The following MCTP2 variants were observed in gnomAD, a reference collection of about 807,000 sequenced individuals.
The protein encoded by MCTP2 is multiple C2 and transmembrane domain containing 2.
In MCTP2, 132 loss-of-function variants were observed where a neutral mutation model predicts 111.6. That is an observed-to-expected ratio of 1.18 (90% CI 1.03 to 1.37). MCTP2 has a LOEUF of 1.37. MCTP2 is among the 40% of genes most tolerant of loss of function. The pLI, the probability that MCTP2 is intolerant of heterozygous loss-of-function variation, is 0.00. For synonymous variants in MCTP2, 395 were observed against 387.7 expected (o/e 1.02, Z -0.22); for missense variants, 1,183 against 1,067.9 (o/e 1.11, Z -1.50).
rs771434217 is a variant in MCTP2, at chr15:94,470,529, T to A, written c.2470+87T>A. 2.0e-5 allele frequency: 20 copies of A among 986,906 alleles called. No homozygotes were observed. In the Admixed American group the frequency reaches 3.5e-4, roughly 17 times the overall value. 61.1% of individuals were successfully genotyped at this position (986,906 alleles called of 1,614,324 possible). A position where few individuals can be genotyped will look rare whatever the true frequency, so the allele number is the denominator to read the frequency against. ...TTAAAGTGCGACTATTAATTTTAAA[T>A]GTGCTCTTGTTGGCAATTAAACATG... On this transcript the variant is annotated intron_variant, in intron 21 of 22. Transcript: ENST00000357742.
chr15:94,351,948 G>T (rs1439135313), intron 8 of MCTP2, among the ~76,000 whole-genome samples: 1 of 152,128 alleles, frequency 6.6e-6, no homozygotes, highest in Admixed American at 6.5e-5. Flanking sequence ...GCACCACCTG[G>T]CCTCGGACAG....
chr15:94,364,682 GTTAACA>G (rs145350730), intron 10 of MCTP2, among the ~76,000 whole-genome samples: 143 of 152,142 alleles, frequency 9.4e-4, no homozygotes, highest in African/African-American at 3.2e-3. Context: ...GAATATTTTG[GTTAACA>G]TTATTTGCAA....
At chr15:94,423,854 G>T (rs1596661304) in intron 17 of MCTP2, among the ~76,000 whole-genome samples, 2 of 152,328 alleles carry the variant, frequency 1.3e-5, no homozygotes, top group South Asian at 2.1e-4. Flanking sequence ...GTACAAGGGA[G>T]TTTGTAAAAC....
intron 14 of MCTP2, among the ~76,000 whole-genome samples, chr15:94,387,306 T>A (rs2080560428): frequency 6.6e-6 from 1 of 151,396 alleles, no homozygotes; most frequent in Non-Finnish European, 1.5e-5. Context: ...TGTCCAGCCG[T>A]CTCCCTGACC....
At chr15:94,258,654 C>CA (rs201675806) in intron 1 of MCTP2, among the ~76,000 whole-genome samples, 54 of 152,086 alleles carry the variant, frequency 3.6e-4, no homozygotes, top group African/African-American at 1.3e-3. Flanking sequence ...AACTAAAAAC[C>CA]AAAAAACCAA....
intron 1 of MCTP2, among the ~76,000 whole-genome samples, chr15:94,282,158 A>G (rs1458087669): frequency 1.3e-5 from 2 of 151,938 alleles, no homozygotes; most frequent in South Asian, 2.1e-4. Flanking sequence ...TTGCTTTCTA[A>G]CTCTGTGTCT....
At chr15:94,459,834 G>A (rs772675243) in intron 20 of MCTP2, among the ~76,000 whole-genome samples, 18 of 152,124 alleles carry the variant, frequency 1.2e-4, no homozygotes, top group Non-Finnish European at 1.9e-4. Flanking sequence ...AACTGTTATC[G>A]CATGCCAGCC....
intron 17 of MCTP2, among the ~76,000 whole-genome samples, chr15:94,407,655 A>G (rs924581989): frequency 6.6e-6 from 1 of 152,186 alleles, no homozygotes; most frequent in African/African-American, 2.4e-5. Flanking sequence ...TTTAACATAT[A>G]TAGAATTTTT....
chr15:94,370,653 A>G (rs1008727816), intron 12 of MCTP2, among the ~76,000 whole-genome samples: 3 of 152,104 alleles, frequency 2.0e-5, no homozygotes, highest in African/African-American at 7.2e-5. Context: ...TGCAGTTGAC[A>G]TTGTCTTATA....
chr15:94,402,149 C>T, intron 17 of MCTP2, 130 bp downstream of exon 17: 1 of 1,342,212 alleles, frequency 7.5e-7, no homozygotes, highest in Non-Finnish European at 9.9e-7. Context: ...TCAAATTTAC[C>T]TGGGAAACCC....
At position 94,301,802 on chromosome 15, in the gene MCTP2, ATTGATT is replaced by A. The variant is rs143080236; in HGVS notation, c.465+3075_465+3080del. Reference sequence around the variant, plus strand: ...GTAAACTTTTTGGCTGAAATTTGATATTGATTTTAACTCTGAATTTATCATTTCTGC... The same window carrying A: ...GTAAACTTTTTGGCTGAAATTTGATATTAACTCTGAATTTATCATTTCTGC... On this transcript the variant is annotated intron_variant, in intron 2 of 22. Coordinates refer to ENST00000357742, the MANE Select transcript of MCTP2 (RefSeq NM_001385001.1). 1.6e-3 allele frequency among the ~76,000 whole-genome samples: 238 copies of A among 146,642 alleles called. 1 individual carries two copies. Among genetic ancestry groups the A allele is most frequent in the African/African-American group, 5.8e-3 (232 of 39,730 alleles).
At chr15:94,351,228 A>G (rs949089413) in intron 8 of MCTP2, among the ~76,000 whole-genome samples, 3 of 152,042 alleles carry the variant, frequency 2.0e-5, no homozygotes, top group African/African-American at 7.2e-5. Context: ...GTGTAGTTCT[A>G]GGAGAATTTA....
Position 94,477,456 on chromosome 15 carries a change from G to A in MCTP2, c.2568+663G>A, listed in dbSNP as rs1429983549. 2.6e-5 allele frequency among the ~76,000 whole-genome samples: 4 copies of A among 152,118 alleles called. No individual in the cohort carries two copies. In the East Asian group the frequency reaches 5.8e-4, roughly 22 times the overall value. On this transcript the variant is annotated intron_variant, in intron 22 of 22. Transcript: ENST00000357742. ...ACTAGAAAGTCGTGTAGAGTAGCTC[G>A]ATCCTGGCCCCTGTGGATCAGCCTG...
Position 94,458,193 on chromosome 15 carries a change from A to C in MCTP2, c.2307A>C (p.Ser769=). 1 of 1,612,564 alleles carries C rather than the reference A, an allele frequency of 6.2e-7. No homozygotes were observed. The highest frequency in any genetic ancestry group is 8.5e-7 in the Non-Finnish European group (1 of 1,178,560). ...ERIYMVQDIV[S]TVQNVLEEIA... is the part of the protein sequence containing the mutation. The stretch of plus-strand genomic sequence containing the variant: ...TCTATATGGTACAGGATATTGTTTC[A>C]ACTGTTCAAAACGTCTTGGAGGAAA... Residue 769 remains serine, a synonymous_variant, in exon 20 of 23, where the codon TCA becomes TCC. Transcript: ENST00000357742.
chr15:94,240,088 T>A (rs1242629327), intron 1 of MCTP2, among the ~76,000 whole-genome samples: 5 of 152,170 alleles, frequency 3.3e-5, no homozygotes, highest in Non-Finnish European at 5.9e-5. Flanking sequence ...TTTGTTTTGT[T>A]TTTTAAGTAG....
intron 20 of MCTP2, among the ~76,000 whole-genome samples, chr15:94,467,618 C>A (rs1223638638): frequency 6.6e-6 from 1 of 151,318 alleles, no homozygotes; most frequent in Non-Finnish European, 1.5e-5. Context: ...TTAATTTTTT[C>A]TTTATTTCGA....
intron 1 of MCTP2, among the ~76,000 whole-genome samples, chr15:94,245,012 A>G (rs368581754): frequency 6.7e-6 from 1 of 149,508 alleles, no homozygotes; most frequent in Non-Finnish European, 1.5e-5. Context: ...ATATGTATAC[A>G]CATACATATG....
At chr15:94,328,573 G>A (rs946061511) in intron 4 of MCTP2, among the ~76,000 whole-genome samples, 8 of 152,164 alleles carry the variant, frequency 5.3e-5, no homozygotes, top group African/African-American at 1.4e-4. Context: ...CCACATGTCC[G>A]TGATTTACTC....
chr15:94,245,464 ATACATATATG>A, intron 1 of MCTP2, among the ~76,000 whole-genome samples: 1 of 140,040 alleles, frequency 7.1e-6, no homozygotes, highest in South Asian at 2.2e-4. Flanking sequence ...ATGTATTTAT[ATACATATATG>A]TATATATACA....
Sources: allele counts gnomAD v4.1 joint callset (sites outside exome capture counted in the v4.1 genomes callset), GRCh38; gene constraint gnomAD v4.1.1; transcripts MANE v1.5; gene names NCBI Gene and HGNC (gene_info 2026-07-23, HGNC 2026-07-21).